Variants in GPAM observed in about 807,000 individuals in gnomAD.
The protein encoded by GPAM is glycerol-3-phosphate acyltransferase, mitochondrial, also known as glycerol-3-phosphate acyltransferase 1, mitochondrial.
GPAM carries 56 observed loss-of-function variants against 105.0 expected under a neutral mutation model. The ratio of observed to expected loss-of-function variants is 0.53; its 90% CI spans 0.43 to 0.67. The LOEUF (loss-of-function observed/expected upper bound fraction) is 0.67, where lower values mean the gene tolerates loss of function less well. Among genes scored for constraint, GPAM ranks in the 30% least tolerant of loss-of-function variants. The pLI, the probability that GPAM is intolerant of heterozygous loss-of-function variation, is 0.00. For synonymous variants in GPAM, 368 were observed against 354.4 expected, an observed-to-expected ratio of 1.04 and a Z score of -0.43; for missense variants, 855 against 989.8, an observed-to-expected ratio of 0.86 and a Z score of 1.83.
At chr10:112,190,388 C>T (rs1419772008) in intron 1 of GPAM, among the ~76,000 whole-genome samples, 1 of 151,718 alleles carries the variant, frequency 6.6e-6, no homozygotes, top group Non-Finnish European at 1.5e-5. Context: ...GCCTGTAATA[C>T]CAGCTGCTCG....
intron 5 of GPAM, among the ~76,000 whole-genome samples, chr10:112,176,912 C>A (rs1018579473): frequency 2.0e-5 from 3 of 152,168 alleles, no homozygotes; most frequent in African/African-American, 7.2e-5. Context: ...GTCATCATAG[C>A]AAATGCGATT....
Position 112,164,515 on chromosome 10 carries a change from C to A in GPAM, c.1307+10G>T. The A allele has an allele frequency of 7.0e-7, 1 of 1,422,332 alleles. No individual in the cohort carries two copies. The highest frequency in any genetic ancestry group is 9.9e-7 in the Non-Finnish European group (1 of 1,005,096). 88.1% of individuals were successfully genotyped at this position (1,422,332 alleles called of 1,614,324 possible). On this transcript the variant is annotated intron_variant, in intron 13 of 21. Coordinates refer to ENST00000348367, the MANE Select transcript of GPAM (RefSeq NM_001244949.2). ...GCTTGATTAGCATTAAACAATTCTACAAATTTTACCTTGAAGGAAGTATAG... is the reference window on the plus strand; with the variant it reads ...GCTTGATTAGCATTAAACAATTCTAAAAATTTTACCTTGAAGGAAGTATAG...
In GPAM at chr10:112,156,849, T is replaced by C. The variant is rs182004678; in HGVS notation, c.2121+400A>G. 6.1e-5 allele frequency: 16 copies of C among 264,218 alleles called. No individual in the cohort carries two copies. In the Admixed American group the frequency reaches 6.2e-4, roughly 10 times the overall value. 16.4% of individuals were successfully genotyped at this position (264,218 alleles called of 1,614,324 possible). ...TCTCCTATAATGGTATTTGTTTTAA[T>C]TGACAGCAAAGAGCTTAATATATGA... On this transcript the variant is annotated intron_variant, in intron 19 of 21. Coordinates refer to ENST00000348367, the MANE Select transcript of GPAM (RefSeq NM_001244949.2).
chr10:112,175,574 A>C, intron 6 of GPAM, 26 bp downstream of exon 6: 1 of 1,239,170 alleles, frequency 8.1e-7, no homozygotes, highest in Non-Finnish European at 1.2e-6. Flanking sequence ...GCCTCTTCCC[A>C]CCTTTACACC....
intron 1 of GPAM, among the ~76,000 whole-genome samples, chr10:112,199,648 G>A (rs989940755): frequency 5.3e-5 from 8 of 152,154 alleles, no homozygotes; most frequent in African/African-American, 1.9e-4. Context: ...GCTGATAAAG[G>A]TAATTTATAA....
intron 1 of GPAM, among the ~76,000 whole-genome samples, chr10:112,189,713 G>A (rs1210758004): frequency 3.9e-5 from 6 of 152,200 alleles, no homozygotes; most frequent in Admixed American, 3.9e-4. Flanking sequence ...GGTTCCTGAA[G>A]TTTTTCTTTC....
chr10:112,209,538 G>T (rs1847888352), intron 1 of GPAM, among the ~76,000 whole-genome samples: 1 of 152,042 alleles, frequency 6.6e-6, no homozygotes, highest in African/African-American at 2.4e-5. Flanking sequence ...CTCCCACATT[G>T]CCTGCAGATG....
intron 5 of GPAM, among the ~76,000 whole-genome samples, chr10:112,177,180 G>C (rs1488568093): frequency 6.6e-6 from 1 of 152,134 alleles, no homozygotes; most frequent in Non-Finnish European, 1.5e-5. Context: ...ATTTTTAAAA[G>C]TTTACTATAT....
rs183727917 is a variant in GPAM at position 112,161,578 on chromosome 10, G to A, written c.1494+89C>T. On this transcript the variant is annotated intron_variant, in intron 15 of 21. Coordinates refer to ENST00000348367, the MANE Select transcript of GPAM (RefSeq NM_001244949.2). Reference sequence around the variant, plus strand: ...TACCTCATAGTACTAGCCATGAGTGGGCCAAATCTGCCCCTGAGTATGTAT... The same window carrying A: ...TACCTCATAGTACTAGCCATGAGTGAGCCAAATCTGCCCCTGAGTATGTAT... The A allele has an allele frequency of 5.8e-5, 60 of 1,033,184 alleles. No homozygotes were observed. The African/African-American group carries it at 8.1e-4, about 14-fold the overall frequency. 64.0% of individuals were successfully genotyped at this position (1,033,184 alleles called of 1,614,324 possible).
chr10:112,151,454 G>C lies in GPAM; in HGVS notation c.*2096C>G. 1 of 985,652 alleles carries C rather than the reference G, an allele frequency of 1.0e-6. No individual in the cohort carries two copies. Among genetic ancestry groups the C allele is most frequent in the Non-Finnish European group, 1.2e-6 (1 of 829,788 alleles). The allele number at this position is 985,652 out of a possible 1,614,324, so 61.1% of individuals were successfully genotyped here. On this transcript the variant is annotated 3_prime_UTR_variant, in exon 22 of 22. Coordinates refer to ENST00000348367, the MANE Select transcript of GPAM (RefSeq NM_001244949.2). ...TTCTCCCTTAAAAAAGATTTTCAAA[G>C]CACCAGTTAATTACAAAAAGCATGC...
At chr10:112,158,465 T>C in intron 17 of GPAM, 72 bp from the exon 18 acceptor site, 1 of 968,704 alleles carries the variant, frequency 1.0e-6, no homozygotes, top group Non-Finnish European at 1.7e-6. Context: ...GAAAACATGG[T>C]ACAAGGTAGC....
At chr10:112,175,507 G>C (rs2133258132) in intron 6 of GPAM, 93 bp downstream of exon 6, 1 of 776,104 alleles carries the variant, frequency 1.3e-6, no homozygotes, top group Non-Finnish European at 2.4e-6. Context: ...CACAGTCCCA[G>C]AGAAACTAAA....
intron 13 of GPAM, among the ~76,000 whole-genome samples, chr10:112,164,134 C>T (rs540477523): frequency 6.6e-6 from 1 of 152,242 alleles, no homozygotes; most frequent in East Asian, 1.9e-4. Flanking sequence ...AAAGGAAAGG[C>T]TTCATATTCA....
At position 112,151,504 on chromosome 10, in the gene GPAM, G is replaced by C. The variant is rs1013992117; in HGVS notation, c.*2046C>G. 1.5e-5 allele frequency: 15 copies of C among 985,626 alleles called. No individual in the cohort carries two copies. The highest frequency in any genetic ancestry group is 1.8e-5 in the Non-Finnish European group (15 of 829,848). 61.1% of individuals were successfully genotyped at this position (985,626 alleles called of 1,614,324 possible). On this transcript the variant is annotated 3_prime_UTR_variant, in exon 22 of 22. Transcript: ENST00000348367. ...CATATTTATCCTCACAGTGAGTTAAGTGGTGAGAGAGCTAGCAAATCATAC... is the reference window on the plus strand; with the variant it reads ...CATATTTATCCTCACAGTGAGTTAACTGGTGAGAGAGCTAGCAAATCATAC...
Position 112,156,040 on chromosome 10 carries a change from T to C in GPAM, c.2135A>G (p.Lys712Arg). Residue 712 changes from lysine (K) to arginine (R), a missense_variant, in exon 20 of 22, where the codon AAG becomes AGG. Transcript: ENST00000348367. ...GAAGGTGATAAACTGCTGGTGCTCC[T>C]TGGATTGGCTCACCTGAGTGTGCAA... ...RDCYLKVSQS[K>R]EHQQFITFLQ... is the part of the protein sequence containing the mutation. 6.2e-7 allele frequency: 1 copy of C among 1,611,986 alleles called. No individual in the cohort carries two copies. The highest frequency in any genetic ancestry group is 8.5e-7 in the Non-Finnish European group (1 of 1,178,486).
chr10:112,182,664 A>G (rs772532406), intron 2 of GPAM, 130 bp downstream of exon 2: 6 of 152,224 alleles, frequency 3.9e-5, no homozygotes, highest in Non-Finnish European at 8.8e-5. Context: ...GCATATTCCA[A>G]TTTCTTTACA....
chr10:112,167,029 A>C (rs1847229718), intron 11 of GPAM, among the ~76,000 whole-genome samples: 1 of 152,194 alleles, frequency 6.6e-6, no homozygotes, highest in South Asian at 2.1e-4. Context: ...ATGACAGGAC[A>C]TATAACGGAC....
rs982042619 is a variant in GPAM at position 112,152,044 on chromosome 10, C to T, written c.*1506G>A. ...ATTTCATACAATGTGAAATATCAAT[C>T]AGCATCCCTCCCTCTCCCAAAACAC... On this transcript the variant is annotated 3_prime_UTR_variant, in exon 22 of 22. Transcript: ENST00000348367. The T allele has an allele frequency of 2.0e-6, 2 of 978,710 alleles. No homozygotes were observed. The highest frequency in any genetic ancestry group is 2.4e-6 in the Non-Finnish European group (2 of 823,938). The allele number at this position is 978,710 out of a possible 1,614,324, so 60.6% of individuals were successfully genotyped here.
At chr10:112,179,381 A>G (rs1432400191) in intron 4 of GPAM, among the ~76,000 whole-genome samples, 1 of 152,224 alleles carries the variant, frequency 6.6e-6, no homozygotes, top group East Asian at 1.9e-4. Context: ...TCTAAAAAGA[A>G]AATGACATTC....
Sources: allele counts gnomAD v4.1 joint callset (sites outside exome capture counted in the v4.1 genomes callset), GRCh38; gene constraint gnomAD v4.1.1; transcripts MANE v1.5; gene names NCBI Gene and HGNC (gene_info 2026-07-23, HGNC 2026-07-21).